Variants in SETD7 observed in about 807,000 individuals in gnomAD.
The protein encoded by SETD7 is histone-lysine N-methyltransferase SETD7.
Under a neutral mutation model 41.8 loss-of-function variants are expected in SETD7, and 16 were observed. That is an observed-to-expected ratio of 0.38 (90% confidence interval 0.26 to 0.58). SETD7 has a LOEUF of 0.58. Among genes scored for constraint, SETD7 ranks in the 20% least tolerant of loss-of-function variants. SETD7 has a pLI of 0.64. For missense variants in SETD7, 346 were observed against 459.7 expected, an observed-to-expected ratio of 0.75 and a Z score of 2.26; for synonymous variants, 163 against 169.7, an observed-to-expected ratio of 0.96 and a Z score of 0.31.
chr4:139,521,255 G>C (rs543237994), intron 5 of SETD7, among the ~76,000 whole-genome samples: 2 of 151,638 alleles, frequency 1.3e-5, no homozygotes, highest in Admixed American at 1.3e-4. Flanking sequence ...GTGAAACCCC[G>C]TCTCTACTAA....
exon 8 of SETD7, chr4:139,496,346 T>C (rs1726454744): frequency 1.4e-6 from 1 of 701,396 alleles, no homozygotes; most frequent in Non-Finnish European, 2.6e-6. Flanking sequence ...TTCGCTTTTA[T>C]CTTTTCTTAA....
downstream of SETD7, among the ~76,000 whole-genome samples, chr4:139,505,551 T>C (rs528884869): frequency 1.3e-4 from 19 of 151,532 alleles, no homozygotes; most frequent in Admixed American, 2.0e-4. Flanking sequence ...ATTGCACCAC[T>C]GCACTCCAGC....
rs924640702 is a variant in SETD7 at position 139,542,790 on chromosome 4, G to T, written c.170+4130C>A. ...AAATTTGGTTTTAAAATTTCACAGG[G>T]CTATTTTTCCTAGTTATCTGGATAT... On this transcript the variant is annotated intron_variant, in intron 2 of 7. Transcript: ENST00000274031. 3.3e-5 allele frequency among the ~76,000 whole-genome samples: 5 copies of T among 152,202 alleles called. No individual in the cohort carries two copies. In the East Asian group the frequency reaches 7.7e-4, roughly 23 times the overall value.
chr4:139,495,432 C>T (rs542984959), downstream of SETD7, among the ~76,000 whole-genome samples: 17 of 152,258 alleles, frequency 1.1e-4, no homozygotes, highest in South Asian at 4.1e-4. Context: ...AAGATACTAC[C>T]GGAGGCTGGG....
chr4:139,501,265 C>T (rs1018496869), downstream of SETD7, among the ~76,000 whole-genome samples: 2 of 152,134 alleles, frequency 1.3e-5, no homozygotes, highest in Non-Finnish European at 2.9e-5. Flanking sequence ...TGTGGTAAAG[C>T]TTAAGAAATT....
At chr4:139,533,407 G>GACTT in intron 2 of SETD7, 41 bp from the exon 3 acceptor site, 1 of 1,532,188 alleles carries the variant, frequency 6.5e-7, no homozygotes, top group East Asian at 2.3e-5. Context: ...GTCAGACCAT[G>GACTT]ACTTGACTCT....
intron 2 of SETD7, among the ~76,000 whole-genome samples, chr4:139,545,000 C>T (rs1018343695): frequency 2.6e-5 from 4 of 151,952 alleles, no homozygotes; most frequent in Non-Finnish European, 5.9e-5. Flanking sequence ...AACCTCTGTC[C>T]TTGGAGATGA....
rs570855790 is a variant in SETD7 at position 139,552,286 on chromosome 4, T to C, written c.40+3812A>G. 2.0e-5 allele frequency among the ~76,000 whole-genome samples: 3 copies of C among 152,280 alleles called. No individual in the cohort carries two copies. In the East Asian group the frequency reaches 5.8e-4, roughly 29 times the overall value. On this transcript the variant is annotated intron_variant, in intron 1 of 7. Transcript: ENST00000274031. ...AAATATTCTTAATATTTTGAAGGGGTTGTGGCAGTGGAACACTGAGCTGCT... is the reference window on the plus strand; with the variant it reads ...AAATATTCTTAATATTTTGAAGGGGCTGTGGCAGTGGAACACTGAGCTGCT...
At chr4:139,503,752 C>T (rs1726639649), downstream of SETD7, among the ~76,000 whole-genome samples, 1 of 152,174 alleles carries the variant, frequency 6.6e-6, no homozygotes, top group African/African-American at 2.4e-5. Flanking sequence ...ATGAGGCAGA[C>T]ACTGTGAGTG....
intron 1 of SETD7, among the ~76,000 whole-genome samples, chr4:139,550,065 T>A (rs1258329376): frequency 6.6e-6 from 1 of 152,084 alleles, no homozygotes; most frequent in Admixed American, 6.6e-5. Flanking sequence ...AATTTTTTTT[T>A]ATAGAGATAG....
chr4:139,503,354 G>C (rs564016076), downstream of SETD7, among the ~76,000 whole-genome samples: 1 of 151,808 alleles, frequency 6.6e-6, no homozygotes, highest in South Asian at 2.1e-4. Context: ...CGGAGAGAAG[G>C]GCAGGAGAGA....
intron 3 of SETD7, among the ~76,000 whole-genome samples, chr4:139,531,827 G>A (rs1236857898): frequency 2.7e-4 from 41 of 152,084 alleles, no homozygotes; most frequent in Admixed American, 2.7e-3. Flanking sequence ...GTGGTGGCTC[G>A]CACCTGTAAT....
At chr4:139,512,173 A>G (rs761969821) in intron 7 of SETD7, among the ~76,000 whole-genome samples, 29 of 152,184 alleles carry the variant, frequency 1.9e-4, no homozygotes, top group Non-Finnish European at 4.4e-5. Context: ...ATCATGATCA[A>G]CAACAAAAAT....
chr4:139,495,771 T>C (rs1449142227), downstream of SETD7, among the ~76,000 whole-genome samples: 1 of 152,210 alleles, frequency 6.6e-6, no homozygotes, highest in African/African-American at 2.4e-5. Context: ...TTTTCAGTTA[T>C]ATAAACGTAA....
chr4:139,524,740 T>C (rs1237344867), intron 4 of SETD7, among the ~76,000 whole-genome samples: 2 of 152,104 alleles, frequency 1.3e-5, no homozygotes, highest in Non-Finnish European at 1.5e-5. Context: ...AGTGAAAGAA[T>C]GATGAATGGA....
At chr4:139,511,988 T>A in intron 7 of SETD7, 145 bp from the exon 8 acceptor site, 1 of 1,408,958 alleles carries the variant, frequency 7.1e-7, no homozygotes, top group South Asian at 1.6e-5. Flanking sequence ...TCACCCAGCA[T>A]CAGTTTCACC....
intron 1 of SETD7, among the ~76,000 whole-genome samples, chr4:139,550,069 G>C (rs1274073296): frequency 1.3e-5 from 2 of 152,006 alleles, no homozygotes; most frequent in Non-Finnish European, 2.9e-5. Context: ...TTTTTTTATA[G>C]AGATAGGGTC....
At chr4:139,495,644 G>A (rs535164563), downstream of SETD7, among the ~76,000 whole-genome samples, 30 of 152,270 alleles carry the variant, frequency 2.0e-4, no homozygotes, top group South Asian at 6.2e-3. Flanking sequence ...AGAACAGCAT[G>A]GGGGAAAATG....
At chr4:139,504,771 T>C (rs1726662009), downstream of SETD7, among the ~76,000 whole-genome samples, 1 of 152,186 alleles carries the variant, frequency 6.6e-6, no homozygotes, top group Non-Finnish European at 1.5e-5. Context: ...AATTTTGTCT[T>C]AATTTTCACA....
Sources: gnomAD v4.1 joint callset for allele counts (sites outside exome capture counted in the v4.1 genomes callset) on GRCh38, gnomAD v4.1.1 for gene constraint, MANE v1.5 for transcripts, NCBI Gene and HGNC (gene_info 2026-07-23, HGNC 2026-07-21) for gene names.